DNAH5: variants seen among roughly 807,000 people sequenced by gnomAD.
DNAH5 encodes the protein axonemal beta dynein heavy chain 5.
A neutral mutation model predicts 518.2 loss-of-function variants in DNAH5; 372 were observed. The observed-to-expected ratio is 0.72, with a 90% CI of 0.66 to 0.78. The LOEUF is 0.78. DNAH5 is among the 30% of genes least tolerant of loss of function. DNAH5 has a pLI of 0.00. For synonymous variants in DNAH5, 2,039 were observed against 2,025.9 expected (o/e 1.01, Z -0.17); for missense variants, 5,523 against 5,687.0 (o/e 0.97, Z 0.93).
intron 12 of DNAH5, among the ~76,000 whole-genome samples, chr5:13,904,499 T>C (rs1488886037): frequency 1.3e-5 from 2 of 149,734 alleles, no homozygotes; most frequent in African/African-American, 2.4e-5. Flanking sequence ...ATTATAGATA[T>C]ATTGATTTTA....
At chr5:13,791,365 A>C (rs1207166680) in intron 50 of DNAH5, among the ~76,000 whole-genome samples, 1 of 152,218 alleles carries the variant, frequency 6.6e-6, no homozygotes, top group African/African-American at 2.4e-5. Flanking sequence ...CTGGATTTTC[A>C]CATAGCATTC....
chr5:13,971,372 T>C (rs547011628), intron 1 of DNAH5, among the ~76,000 whole-genome samples: 1 of 152,278 alleles, frequency 6.6e-6, no homozygotes, highest in African/African-American at 2.4e-5. Flanking sequence ...ACCAGAATTG[T>C]TTTTCTGGTT....
chr5:13,760,326 T>C (rs1751608013), intron 60 of DNAH5, among the ~76,000 whole-genome samples: 1 of 152,226 alleles, frequency 6.6e-6, no homozygotes, highest in South Asian at 2.1e-4. Context: ...CTGTGCAGGC[T>C]GCTTAAACCC....
chr5:13,717,290 C>T, intron 73 of DNAH5, 25 bp downstream of exon 73: 2 of 1,606,660 alleles, frequency 1.2e-6, no homozygotes, highest in Non-Finnish European at 1.7e-6. Context: ...CCACTAGAGG[C>T]ATGAGGCAGC....
intron 53 of DNAH5, among the ~76,000 whole-genome samples, chr5:13,778,489 A>C (rs867992932): frequency 1.1e-5 from 1 of 94,834 alleles, no homozygotes; most frequent in African/African-American, 3.9e-5. Context: ...GAAGGAAGGA[A>C]GGAAGGAAGG....
chr5:13,885,538 C>A (rs895391856), intron 18 of DNAH5, among the ~76,000 whole-genome samples: 2 of 152,170 alleles, frequency 1.3e-5, no homozygotes, highest in Non-Finnish European at 2.9e-5. Flanking sequence ...GGTGCTACCT[C>A]CCACCAATAA....
chr5:13,694,114 C>A (rs1398487498), intron 78 of DNAH5, among the ~76,000 whole-genome samples: 2 of 152,076 alleles, frequency 1.3e-5, no homozygotes, highest in Non-Finnish European at 2.9e-5. Flanking sequence ...GCCTTTGGTG[C>A]CTTACATCTG....
At chr5:13,852,942 G>A (rs1435393497) in intron 30 of DNAH5, among the ~76,000 whole-genome samples, 1 of 152,232 alleles carries the variant, frequency 6.6e-6, no homozygotes, top group Non-Finnish European at 1.5e-5. Flanking sequence ...GTGGGGTACA[G>A]CGTCAGAAGA....
In DNAH5 at chr5:13,920,778, C is replaced by A. The variant is rs149650919; in HGVS notation, c.661-161G>T. Among the ~76,000 whole-genome samples the A allele has an allele frequency of 6.0e-3, 910 of 152,234 alleles. 5 individuals are homozygous for A. The highest frequency in any genetic ancestry group is 7.9e-3 in the Non-Finnish European group (539 of 68,020). On this transcript the variant is annotated intron_variant, in intron 5 of 78. Transcript: ENST00000265104. The stretch of plus-strand genomic sequence containing the variant: ...TCCCACGTGCCTTTGTCCACGCTGC[C>A]CCCAGACTGATGGGACCTTCCAACA...
chr5:13,824,121 T>C (rs1762586568), intron 39 of DNAH5, 78 bp downstream of exon 39: 1 of 1,375,606 alleles, frequency 7.3e-7, no homozygotes, highest in Admixed American at 1.7e-5. Flanking sequence ...TTTAAATAAA[T>C]ATTTTGAAGT....
intron 75 of DNAH5, among the ~76,000 whole-genome samples, chr5:13,712,241 T>C (rs1743581631): frequency 6.6e-6 from 1 of 152,106 alleles, no homozygotes; most frequent in Non-Finnish European, 1.5e-5. Flanking sequence ...TTTCAAAAAA[T>C]GGTGATGGGA....
intron 41 of DNAH5, among the ~76,000 whole-genome samples, chr5:13,818,000 C>CA (rs1330086147): frequency 6.6e-6 from 1 of 151,778 alleles, no homozygotes; most frequent in Non-Finnish European, 1.5e-5. Context: ...TTTCATGGCT[C>CA]AAAAAAAATC....
chr5:13,960,175 C>A (rs548390248), intron 1 of DNAH5, among the ~76,000 whole-genome samples: 21 of 151,346 alleles, frequency 1.4e-4, no homozygotes, highest in African/African-American at 5.1e-4. Flanking sequence ...TTCTTTCAAT[C>A]CCAGGAGATT....
rs915408619 is a variant in DNAH5, at chr5:13,932,619, G to A, written c.58-1375C>T. On this transcript the variant is annotated intron_variant, in intron 1 of 78. Coordinates refer to ENST00000265104, the MANE Select transcript of DNAH5 (RefSeq NM_001369.3). ...AGTTTAACTGTTATGTAAAATCCACGGAGAATCACTGATGAGTTTCATATC... is the reference window on the plus strand; with the variant it reads ...AGTTTAACTGTTATGTAAAATCCACAGAGAATCACTGATGAGTTTCATATC... Among the ~76,000 whole-genome samples the A allele has an allele frequency of 5.9e-5, 9 of 152,164 alleles. No homozygotes were observed. In the East Asian group the frequency reaches 7.7e-4, roughly 13 times the overall value.
At chr5:13,862,430 T>C in intron 29 of DNAH5, 118 bp downstream of exon 29, 4 of 993,390 alleles carry the variant, frequency 4.0e-6, no homozygotes, top group Non-Finnish European at 6.1e-6. Flanking sequence ...TTAAAACAAG[T>C]ATTTTCAACA....
intron 1 of DNAH5, among the ~76,000 whole-genome samples, chr5:13,967,788 ACGG>A (rs1781622777): frequency 2.2e-5 from 3 of 133,508 alleles, no homozygotes; most frequent in Admixed American, 1.6e-4. Context: ...TTTTGGCCAC[ACGG>A]TCATTTTCAC....
chr5:13,887,464 T>C (rs764886505), intron 17 of DNAH5, among the ~76,000 whole-genome samples: 3 of 152,146 alleles, frequency 2.0e-5, no homozygotes, highest in Non-Finnish European at 4.4e-5. Flanking sequence ...AAATGAAAGA[T>C]GCTGCCTCCA....
At position 13,919,313 on chromosome 5, in the gene DNAH5, C is replaced by A; in HGVS notation, c.838G>T (p.Asp280Tyr). The A allele has an allele frequency of 6.2e-7, 1 of 1,614,182 alleles. No individual in the cohort carries two copies. The highest frequency in any genetic ancestry group is 1.1e-5 in the South Asian group (1 of 91,080). The part of the protein sequence containing the change: ...ENNQLLKEAD[D>Y]VGPRAELEHW... Reference sequence around the variant, plus strand: ...TCCAGCTCCGCTCGTGGCCCAACGTCATCCGCTTCCTTCAGCAGCTGATTG... The same window carrying A: ...TCCAGCTCCGCTCGTGGCCCAACGTAATCCGCTTCCTTCAGCAGCTGATTG... The change falls in exon 7 of 79, where the codon GAC (aspartate) becomes TAC (tyrosine). Residue 280 changes from aspartate to tyrosine, a missense_variant. Asp to Tyr is a radical substitution (Grantham distance 160, BLOSUM62 -3). Transcript: ENST00000265104.
In DNAH5 at chr5:14,008,217, A is replaced by C. The variant is rs185945293; in HGVS notation, c.12+3431T>G. ...AAAGAAAGAAAAAAGAAAAGAAAAG[A>C]AAGCATGCAGTATGTATTTTAGAAG... is the stretch of plus-strand genomic sequence containing the variant. On this transcript the variant is annotated intron_variant, in intron 1 of 78. Transcript: ENST00000681290. Among the ~76,000 whole-genome samples, 40 of 151,472 alleles carry C rather than the reference A, an allele frequency of 2.6e-4. No homozygotes were observed. The East Asian group carries it at 6.6e-3, about 25-fold the overall frequency.
Sources: allele counts gnomAD v4.1 joint callset (sites outside exome capture counted in the v4.1 genomes callset), GRCh38; gene constraint gnomAD v4.1.1; transcripts MANE v1.5; gene names NCBI Gene and HGNC (gene_info 2026-07-23, HGNC 2026-07-21).